The following RBFOX1 variants were observed in gnomAD, a reference collection of about 807,000 sequenced individuals.
The protein encoded by RBFOX1 is RNA binding fox-1 homolog 1.
In RBFOX1, 8 loss-of-function variants were observed where a neutral mutation model predicts 57.7. The observed-to-expected ratio is 0.14, with a 90% CI of 0.08 to 0.25. The LOEUF (loss-of-function observed/expected upper bound fraction) is 0.25. Among genes scored for constraint, RBFOX1 ranks in the 10% least tolerant of loss-of-function variants. The pLI is 1.00. For missense variants in RBFOX1, 611 were observed against 548.5 expected (o/e 1.11, Z -1.14); for synonymous variants, 326 against 222.4 (o/e 1.47, Z -4.15).
intron 3 of RBFOX1, among the ~76,000 whole-genome samples, chr16:5,613,881 G>C (rs899307832): frequency 2.0e-5 from 3 of 150,624 alleles, no homozygotes; most frequent in Non-Finnish European, 4.4e-5. Context: ...TTTCTTCTCT[G>C]ACTCCTTCAT....
Position 6,966,682 on chromosome 16 carries a change from T to C in RBFOX1, c.-15-85375T>C, listed in dbSNP as rs529778665. On this transcript the variant is annotated intron_variant, in intron 3 of 15. Transcript: ENST00000550418. ...AGGCATGAGATAGTGCAAGCTGGGC[T>C]GAAGTGAAGCGAAATTGATCTAAAT... Among the ~76,000 whole-genome samples, 8 of 152,276 alleles carry C rather than the reference T, an allele frequency of 5.3e-5. 1 individual carries two copies. The highest frequency in any genetic ancestry group is 2.1e-4 in the South Asian group (1 of 4,816).
chr16:7,074,025 A>G (rs777410311), intron 4 of RBFOX1, among the ~76,000 whole-genome samples: 5 of 152,160 alleles, frequency 3.3e-5, no homozygotes, highest in African/African-American at 7.2e-5. Flanking sequence ...CATTTTGCCT[A>G]TGGCTTCTTT....
chr16:6,881,612 G>C (rs34573700), intron 3 of RBFOX1, among the ~76,000 whole-genome samples: 38,431 of 152,038 alleles, frequency 0.25, 5,081 homozygotes, highest in African/African-American at 0.32. Flanking sequence ...CTGAGGACCT[G>C]ACTTTAACTT....
At chr16:6,055,095 A>T (rs1008666144) in intron 1 of RBFOX1, among the ~76,000 whole-genome samples, 3 of 152,116 alleles carry the variant, frequency 2.0e-5, no homozygotes, top group Admixed American at 6.5e-5. Context: ...GTGAGGGTAG[A>T]GTGTTTCTTG....
At chr16:5,303,359 C>G (rs1176068453) in intron 1 of RBFOX1, among the ~76,000 whole-genome samples, 1 of 152,194 alleles carries the variant, frequency 6.6e-6, no homozygotes, top group Non-Finnish European at 1.5e-5. Context: ...ATACAAGCCT[C>G]CATCTGCAGT....
chr16:5,737,926 A>C (rs2151581718), intron 3 of RBFOX1, among the ~76,000 whole-genome samples: 1 of 152,286 alleles, frequency 6.6e-6, no homozygotes, highest in East Asian at 1.9e-4. Context: ...TTACATAGGT[A>C]CACATGTGCC....
At chr16:6,891,652 A>C (rs1402145610) in intron 3 of RBFOX1, among the ~76,000 whole-genome samples, 1 of 152,178 alleles carries the variant, frequency 6.6e-6, no homozygotes. Context: ...AATCTCTGCA[A>C]GTTTCAACAA....
chr16:6,555,659 C>A (rs1295659089), intron 2 of RBFOX1, among the ~76,000 whole-genome samples: 2 of 151,762 alleles, frequency 1.3e-5, no homozygotes, highest in African/African-American at 2.4e-5. Context: ...AAGATCATGC[C>A]ACTGCACTCC....
At chr16:6,940,824 A>G (rs2078277365) in intron 3 of RBFOX1, among the ~76,000 whole-genome samples, 2 of 122,836 alleles carry the variant, frequency 1.6e-5, no homozygotes, top group South Asian at 5.4e-4. Context: ...CTGGGAGTAC[A>G]GGCGCCTGCC....
intron 6 of RBFOX1, among the ~76,000 whole-genome samples, chr16:7,581,276 G>A (rs140193377): frequency 2.6e-5 from 4 of 152,146 alleles, no homozygotes; most frequent in African/African-American, 4.8e-5. Flanking sequence ...AGATACCCTC[G>A]GGCACTTTCA....
At chr16:5,459,225 C>T (rs1434922003) in intron 1 of RBFOX1, among the ~76,000 whole-genome samples, 1 of 152,194 alleles carries the variant, frequency 6.6e-6, no homozygotes, top group Non-Finnish European at 1.5e-5. Flanking sequence ...CCAGATATGA[C>T]CCTTGTCCTC....
chr16:6,477,129 C>G (rs947740597), intron 2 of RBFOX1, among the ~76,000 whole-genome samples: 2 of 152,192 alleles, frequency 1.3e-5, no homozygotes, highest in Non-Finnish European at 2.9e-5. Context: ...CAAAATCATT[C>G]TTGAGAGTTG....
At position 7,632,916 on chromosome 16, in the gene RBFOX1, T is replaced by A. The variant is rs2061211513; in HGVS notation, c.757+2233T>A. On this transcript the variant is annotated intron_variant, in intron 11 of 15. Transcript: ENST00000550418. ...AACAAAACAATCAACTCCAAAAGTG[T>A]GCTAGTTTGAATTGGTATAGCTATT... Among the ~76,000 whole-genome samples the A allele has an allele frequency of 2.0e-5, 3 of 152,344 alleles. No homozygotes were observed. In the South Asian group the frequency reaches 6.2e-4, roughly 32 times the overall value.
At chr16:7,218,579 A>G (rs2152834153) in intron 4 of RBFOX1, among the ~76,000 whole-genome samples, 1 of 148,290 alleles carries the variant, frequency 6.7e-6, no homozygotes, top group South Asian at 2.1e-4. Context: ...TTTTTGAGTG[A>G]TTTTGTTAAC....
chr16:5,343,298 G>GTTTTTTTT (rs33934959), intron 1 of RBFOX1, among the ~76,000 whole-genome samples: 1 of 109,952 alleles, frequency 9.1e-6, no homozygotes. Context: ...CTTCTTTGAA[G>GTTTTTTTT]TTTTTTTTTT....
intron 3 of RBFOX1, among the ~76,000 whole-genome samples, chr16:6,693,052 C>A (rs556018220): frequency 6.6e-6 from 1 of 151,472 alleles, no homozygotes; most frequent in African/African-American, 2.4e-5. Flanking sequence ...CCATCACCAC[C>A]ATCATTATCA....
At chr16:7,073,646 C>G (rs760792198) in intron 4 of RBFOX1, among the ~76,000 whole-genome samples, 6 of 151,922 alleles carry the variant, frequency 3.9e-5, no homozygotes, top group Non-Finnish European at 7.4e-5. Context: ...GACTTCAAGA[C>G]CGGCCTGGGC....
intron 4 of RBFOX1, among the ~76,000 whole-genome samples, chr16:7,134,121 T>C (rs1185619142): frequency 6.6e-6 from 1 of 152,168 alleles, no homozygotes; most frequent in Non-Finnish European, 1.5e-5. Context: ...GCCCTGCAAA[T>C]ACAATAGCGA....
chr16:6,847,325 C>G (rs996516565), intron 3 of RBFOX1, among the ~76,000 whole-genome samples: 3 of 152,118 alleles, frequency 2.0e-5, no homozygotes, highest in African/African-American at 7.2e-5. Flanking sequence ...TGCTATGGGT[C>G]CAGCCAGACC....
Sources: allele counts gnomAD v4.1 joint callset (sites outside exome capture counted in the v4.1 genomes callset), GRCh38; gene constraint gnomAD v4.1.1; transcripts MANE v1.5; gene names NCBI Gene and HGNC (gene_info 2026-07-23, HGNC 2026-07-21).